Variants in AUTS2 observed in about 807,000 individuals in gnomAD.
The protein encoded by AUTS2 is activator of transcription and developmental regulator AUTS2.
A neutral mutation model predicts 112.4 loss-of-function variants in AUTS2; 17 were observed. The observed-to-expected ratio is 0.15, with a 90% CI of 0.10 to 0.23. The LOEUF (loss-of-function observed/expected upper bound fraction) is 0.23. Among genes scored for constraint, AUTS2 ranks in the 10% least tolerant of loss-of-function variants. The probability of loss-of-function intolerance (pLI) is 1.00; values close to 1 mark genes in which losing one functional copy is unlikely to be tolerated. For synonymous variants in AUTS2, 751 were observed against 702.7 expected (o/e 1.07, Z -1.09); for missense variants, 1,510 against 1,701.6 (o/e 0.89, Z 1.98).
At chr7:69,621,809 A>G (rs1260512422) in intron 1 of AUTS2, among the ~76,000 whole-genome samples, 1 of 152,150 alleles carries the variant, frequency 6.6e-6, no homozygotes, top group African/African-American at 2.4e-5. Context: ...TGGTAGGCGT[A>G]CTTAAAAGTG....
intron 1 of AUTS2, among the ~76,000 whole-genome samples, chr7:69,671,435 A>T (rs1372804553): frequency 6.7e-6 from 1 of 150,164 alleles, no homozygotes; most frequent in Non-Finnish European, 1.5e-5. Flanking sequence ...TAGGTATTAT[A>T]AAAAAAGTGA....
At chr7:70,150,447 T>G (rs1807367432) in intron 4 of AUTS2, among the ~76,000 whole-genome samples, 1 of 152,144 alleles carries the variant, frequency 6.6e-6, no homozygotes, top group Non-Finnish European at 1.5e-5. Context: ...GTTTCACTAG[T>G]CCAAATTGCA....
chr7:70,355,058 A>G (rs537815733), intron 4 of AUTS2, among the ~76,000 whole-genome samples: 11 of 134,940 alleles, frequency 8.2e-5, no homozygotes, highest in Admixed American at 2.2e-4. Flanking sequence ...GTGTGTGTGT[A>G]TGTATGGGTG....
chr7:70,009,796 T>G (rs1799715194), intron 2 of AUTS2, among the ~76,000 whole-genome samples: 1 of 152,238 alleles, frequency 6.6e-6, no homozygotes, highest in Non-Finnish European at 1.5e-5. Flanking sequence ...CCCAAGGTCA[T>G]ATGACTTGAA....
chr7:70,630,252 C>T (rs1157884917), intron 5 of AUTS2, among the ~76,000 whole-genome samples: 1 of 152,036 alleles, frequency 6.6e-6, no homozygotes, highest in Non-Finnish European at 1.5e-5. Context: ...CTGGAGGGCC[C>T]GGTCATCAAT....
chr7:70,030,572 TCTC>T (rs1300480122), intron 2 of AUTS2, among the ~76,000 whole-genome samples: 2 of 152,082 alleles, frequency 1.3e-5, no homozygotes, highest in African/African-American at 4.8e-5. Context: ...CATATACCCT[TCTC>T]CTTCTTGAAA....
chr7:70,576,911 T>A (rs1802195334), intron 5 of AUTS2, among the ~76,000 whole-genome samples: 1 of 152,140 alleles, frequency 6.6e-6, no homozygotes, highest in South Asian at 2.1e-4. Context: ...ATTTCATAGA[T>A]CCCTTGGAAC....
rs1172271241 is a variant in AUTS2 at position 70,497,015 on chromosome 7, ACACACACACACACCC to A, written c.690+61241_690+61255del. 3.2e-4 allele frequency among the ~76,000 whole-genome samples: 33 copies of A among 104,080 alleles called. 2 individuals carry two copies. The highest frequency in any genetic ancestry group is 1.3e-3 in the African/African-American group (31 of 23,678). 68.3% of individuals were successfully genotyped at this position (104,080 alleles called of 152,430 possible). On this transcript the variant is annotated intron_variant, in intron 5 of 18. Transcript: ENST00000342771. ...TCACACACACCACGTACACAGTCAG[ACACACACACACACCC>A]CACACATGCACACATCACATCAGCG... is the stretch of plus-strand genomic sequence containing the variant.
chr7:69,793,518 A>C (rs1169753334), intron 1 of AUTS2, among the ~76,000 whole-genome samples: 1 of 152,156 alleles, frequency 6.6e-6, no homozygotes, highest in Non-Finnish European at 1.5e-5. Flanking sequence ...TGAACAAGTG[A>C]AATTAAAGTG....
intron 2 of AUTS2, among the ~76,000 whole-genome samples, chr7:70,085,427 A>ACGATCTTGGCT (rs1043396387): frequency 2.0e-5 from 3 of 150,746 alleles, no homozygotes; most frequent in African/African-American, 7.3e-5. Context: ...GTGCAGTGGC[A>ACGATCTTGGCT]CGATCTTGGC....
At chr7:69,746,570 A>C (rs902103629) in intron 1 of AUTS2, among the ~76,000 whole-genome samples, 6 of 152,160 alleles carry the variant, frequency 3.9e-5, no homozygotes, top group African/African-American at 9.7e-5. Context: ...TTAGGAGAAC[A>C]TTAGTCTGGG....
chr7:70,125,584 T>G (rs1805928696), intron 3 of AUTS2, among the ~76,000 whole-genome samples: 1 of 152,124 alleles, frequency 6.6e-6, no homozygotes, highest in Admixed American at 6.5e-5. Context: ...GATTCTCGCT[T>G]TCTGTGATGC....
chr7:70,041,671 A>G (rs1801253383), intron 2 of AUTS2, among the ~76,000 whole-genome samples: 1 of 152,084 alleles, frequency 6.6e-6, no homozygotes, highest in South Asian at 2.1e-4. Flanking sequence ...AAAACAATGA[A>G]GTTGATTTAT....
chr7:70,547,455 A>G (rs1374702144), intron 5 of AUTS2, among the ~76,000 whole-genome samples: 1 of 152,060 alleles, frequency 6.6e-6, no homozygotes, highest in East Asian at 1.9e-4. Flanking sequence ...GGGTTTCACC[A>G]TGTTGGCCAG....
At chr7:70,053,606 C>A (rs1801861140) in intron 2 of AUTS2, among the ~76,000 whole-genome samples, 1 of 146,462 alleles carries the variant, frequency 6.8e-6, no homozygotes, top group African/African-American at 2.6e-5. Flanking sequence ...GTGATGAGAT[C>A]ATGGCTCACT....
At chr7:70,126,850 C>A (rs867582262) in intron 3 of AUTS2, among the ~76,000 whole-genome samples, 1 of 152,116 alleles carries the variant, frequency 6.6e-6, no homozygotes, top group South Asian at 2.1e-4. Context: ...CTTGCTGTGT[C>A]GCCCAGGCTG....
At chr7:70,758,864 A>G (rs60652185) in intron 6 of AUTS2, among the ~76,000 whole-genome samples, 3,090 of 151,550 alleles carry the variant, frequency 0.02, 113 homozygotes, top group African/African-American at 0.07. Flanking sequence ...TGAATAATTG[A>G]AAGGAAGAGG....
chr7:69,663,593 G>A (rs367839521), intron 1 of AUTS2, among the ~76,000 whole-genome samples: 33 of 152,320 alleles, frequency 2.2e-4, no homozygotes, highest in African/African-American at 7.2e-4. Context: ...GCTTTTACTG[G>A]AAGGATTGGG....
chr7:70,581,342 C>T (rs765446832), intron 5 of AUTS2, among the ~76,000 whole-genome samples: 29 of 152,206 alleles, frequency 1.9e-4, no homozygotes, highest in Non-Finnish European at 3.4e-4. Context: ...GCCGAGATTG[C>T]GCCATTGCAT....
Sources: gnomAD v4.1 joint callset for allele counts (sites outside exome capture counted in the v4.1 genomes callset) on GRCh38, gnomAD v4.1.1 for gene constraint, MANE v1.5 for transcripts, NCBI Gene and HGNC (gene_info 2026-07-23, HGNC 2026-07-21) for gene names.